TM7SF3: variants seen among roughly 807,000 people sequenced by gnomAD.
The protein encoded by TM7SF3 is seven span transmembrane protein.
A neutral mutation model predicts 65.5 loss-of-function variants in TM7SF3; 60 were observed. The ratio of observed to expected loss-of-function variants is 0.92; its 90% CI spans 0.74 to 1.14. The LOEUF (loss-of-function observed/expected upper bound fraction) is 1.14, where lower values mean the gene tolerates loss of function less well. Among genes scored for constraint, TM7SF3 ranks in the 50% most tolerant of loss-of-function variants. The pLI is 0.00. For missense variants in TM7SF3, 623 were observed against 684.8 expected (o/e 0.91, Z 1.01); for synonymous variants, 264 against 259.6 (o/e 1.02, Z -0.16).
chr12:26,989,767 C>A (rs764824697), intron 6 of TM7SF3, among the ~76,000 whole-genome samples: 2 of 152,188 alleles, frequency 1.3e-5, no homozygotes, highest in Non-Finnish European at 2.9e-5. Flanking sequence ...GCCTCCTAAC[C>A]AATCTGCATT....
In TM7SF3 at chr12:27,003,249, A is replaced by G. The variant is rs144718958; in HGVS notation, c.233T>C (p.Val78Ala). Residue 78 changes from valine (V) to alanine (A), a missense_variant, in exon 2 of 12, where the codon GTT becomes GCT. Coordinates refer to ENST00000343028, the MANE Select transcript of TM7SF3 (RefSeq NM_016551.3). ...QIHSQYQNTTVSFSPTLLSNS... is the reference protein window; with the variant it reads ...QIHSQYQNTTASFSPTLLSNS... Reference sequence around the variant, plus strand: ...CTTTGCACTTACCGGAGAAAAGGAAACAGTTGTATTCTGATACTGTGAGTG... The same window carrying G: ...CTTTGCACTTACCGGAGAAAAGGAAGCAGTTGTATTCTGATACTGTGAGTG... 2,046 of 1,605,308 alleles carry G rather than the reference A, an allele frequency of 1.3e-3. 1 individual carries two copies. Among genetic ancestry groups the G allele is most frequent in the Non-Finnish European group, 1.6e-3 (1,933 of 1,176,878 alleles).
intron 1 of TM7SF3, among the ~76,000 whole-genome samples, chr12:27,008,120 T>G (rs1941108790): frequency 6.6e-6 from 1 of 151,864 alleles, no homozygotes; most frequent in African/African-American, 2.4e-5. Context: ...CTTCAGTAGA[T>G]ACTGCCAGTC....
chr12:27,004,736 G>A (rs1026060824), intron 1 of TM7SF3, among the ~76,000 whole-genome samples: 1 of 152,074 alleles, frequency 6.6e-6, no homozygotes, highest in African/African-American at 2.4e-5. Context: ...GCTCTGTGAT[G>A]CTACATTACA....
chr12:26,973,706 A>T lies in TM7SF3; in HGVS notation c.*259T>A, dbSNP rs1939450401. 1.0e-5 allele frequency: 4 copies of T among 387,824 alleles called. No homozygotes were observed. Among genetic ancestry groups the T allele is most frequent in the Non-Finnish European group, 1.8e-5 (4 of 219,224 alleles). 24.0% of individuals were successfully genotyped at this position (387,824 alleles called of 1,614,324 possible). A position where few individuals can be genotyped will look rare whatever the true frequency, so the allele number is the denominator to read the frequency against. On this transcript the variant is annotated 3_prime_UTR_variant, in exon 12 of 12. Transcript: ENST00000343028. The stretch of plus-strand genomic sequence containing the variant: ...TGGAATAAGTTGATCATAGATTTGT[A>T]AACCAAAAGGTAATTTCTCAAGTAT...
intron 6 of TM7SF3, among the ~76,000 whole-genome samples, chr12:26,987,044 G>T (rs77683622): frequency 0.011 from 1,699 of 152,162 alleles, 36 homozygotes; most frequent in African/African-American, 0.039. Context: ...TCAGTCCTCA[G>T]ACCCCTCCCT....
In TM7SF3 at chr12:26,990,622, A is replaced by G; in HGVS notation, c.696T>C (p.Val232=). 1 of 1,612,370 alleles carries G rather than the reference A, an allele frequency of 6.2e-7. No homozygotes were observed. Among genetic ancestry groups the G allele is most frequent in the Non-Finnish European group, 8.5e-7 (1 of 1,179,022 alleles). ...PQVKASALKV[V]TLTANDKTSV... is the part of the protein sequence containing the mutation. ...TTGTCTTATCATTAGCTGTTAGGGT[A>G]ACCACCTGAAGCCAAAAATAACACA... Residue 232 remains valine (V), a synonymous_variant, in exon 6 of 12, where the codon GTT becomes GTC. Coordinates refer to ENST00000343028, the MANE Select transcript of TM7SF3 (RefSeq NM_016551.3).
rs1160362386 is a variant in TM7SF3, at chr12:26,996,949, C to T, written c.398-87G>A. The T allele has an allele frequency of 3.7e-6, 5 of 1,363,712 alleles. No homozygotes were observed. The East Asian group carries it at 7.5e-5, about 20-fold the overall frequency. The allele number at this position is 1,363,712 out of a possible 1,614,324, so 84.5% of individuals were successfully genotyped here. On this transcript the variant is annotated intron_variant, in intron 3 of 11. Coordinates refer to ENST00000343028, the MANE Select transcript of TM7SF3 (RefSeq NM_016551.3). ...AAAAACAGAACTCTATCTACTCTTA[C>T]AAAAACTTCCCAAATAGAAGTTAAA...
rs1939372354 is a variant in TM7SF3, at chr12:26,971,784, T to C, written c.*2181A>G. The C allele has an allele frequency of 6.6e-6, 1 of 152,198 alleles. No individual in the cohort carries two copies. The highest frequency in any genetic ancestry group is 6.5e-5 in the Admixed American group (1 of 15,282). 9.4% of individuals were successfully genotyped at this position (152,198 alleles called of 1,614,324 possible). A position where few individuals can be genotyped will look rare whatever the true frequency, so the allele number is the denominator to read the frequency against. ...CCTACAGTAAATAATTTTTTAAAAC[T>C]TTTCATCAAGTTTCAGTGTTACTGA... On this transcript the variant is annotated 3_prime_UTR_variant, in exon 12 of 12. Transcript: ENST00000343028.
intron 11 of TM7SF3, 97 bp from the exon 12 acceptor site, chr12:26,974,324 CT>C (rs1939481696): frequency 1.5e-6 from 2 of 1,307,882 alleles, no homozygotes; most frequent in Admixed American, 2.6e-5. Flanking sequence ...ATATTCCTTT[CT>C]AATAGACTTT....
intron 6 of TM7SF3, among the ~76,000 whole-genome samples, chr12:26,989,586 A>G (rs1940253525): frequency 6.6e-6 from 1 of 152,098 alleles, no homozygotes; most frequent in South Asian, 2.1e-4. Context: ...AGCTTTGAGG[A>G]ATCTGGATGA....
intron 1 of TM7SF3, among the ~76,000 whole-genome samples, chr12:27,004,398 T>G (rs1399320486): frequency 6.6e-6 from 1 of 152,176 alleles, no homozygotes; most frequent in Admixed American, 6.5e-5. Flanking sequence ...AGATTAAATA[T>G]AGATGAAAAG....
intron 1 of TM7SF3, chr12:27,012,737 T>C (rs1424625553): frequency 1.1e-5 from 5 of 455,874 alleles, no homozygotes; most frequent in Non-Finnish European, 1.8e-5. Flanking sequence ...CGGTGGCTCA[T>C]GCCTGTAATC....
intron 7 of TM7SF3, among the ~76,000 whole-genome samples, chr12:26,981,807 A>G (rs1022228153): frequency 1.3e-5 from 2 of 152,182 alleles, no homozygotes; most frequent in South Asian, 4.1e-4. Flanking sequence ...CTTATATAAA[A>G]AGCAGCCCAA....
At chr12:26,984,671 A>T (rs533221528) in intron 6 of TM7SF3, among the ~76,000 whole-genome samples, 1 of 152,234 alleles carries the variant, frequency 6.6e-6, no homozygotes, top group South Asian at 2.1e-4. Flanking sequence ...ACAGTTAGAT[A>T]CTCTTCCATA....
Position 26,982,901 on chromosome 12 carries a change from G to C in TM7SF3, c.869-42C>G, listed in dbSNP as rs1447881194. 3.7e-6 allele frequency: 5 copies of C among 1,363,438 alleles called. No individual in the cohort carries two copies. In the African/African-American group the frequency reaches 7.3e-5, roughly 20 times the overall value. 84.5% of individuals were successfully genotyped at this position (1,363,438 alleles called of 1,614,324 possible). A position where few individuals can be genotyped will look rare whatever the true frequency, so the allele number is the denominator to read the frequency against. ...ATTTAGTGGATAATACATCCAATTTGATACTTTGTATTAATATTTATAGAA... is the reference window on the plus strand; with the variant it reads ...ATTTAGTGGATAATACATCCAATTTCATACTTTGTATTAATATTTATAGAA... On this transcript the variant is annotated intron_variant, in intron 6 of 11. Transcript: ENST00000343028.
At chr12:26,979,724 A>G in intron 9 of TM7SF3, 60 bp downstream of exon 9, 1 of 1,581,706 alleles carries the variant, frequency 6.3e-7, no homozygotes. Context: ...ATGCAAATCC[A>G]ATTAGGCAGT....
intron 2 of TM7SF3, among the ~76,000 whole-genome samples, chr12:27,002,417 A>C (rs1009240301): frequency 8.5e-5 from 13 of 152,124 alleles, no homozygotes; most frequent in Non-Finnish European, 1.5e-4. Flanking sequence ...TGGGTGATGG[A>C]GTGAGATCTT....
chr12:26,974,743 A>G (rs1939499646), intron 11 of TM7SF3, among the ~76,000 whole-genome samples: 1 of 152,156 alleles, frequency 6.6e-6, no homozygotes, highest in East Asian at 1.9e-4. Flanking sequence ...TTGGCAAAAC[A>G]CTGTCTGGTA....
intron 9 of TM7SF3, among the ~76,000 whole-genome samples, chr12:26,977,708 T>C (rs1423999811): frequency 6.6e-6 from 1 of 151,842 alleles, no homozygotes; most frequent in African/African-American, 2.4e-5. Flanking sequence ...GAACTGAGAC[T>C]GCGCGACTGC....
Sources: gnomAD v4.1 joint callset for allele counts (sites outside exome capture counted in the v4.1 genomes callset) on GRCh38, gnomAD v4.1.1 for gene constraint, MANE v1.5 for transcripts, NCBI Gene and HGNC (gene_info 2026-07-23, HGNC 2026-07-21) for gene names.